Variants in ANK1 observed in about 807,000 individuals in gnomAD.
ANK1 encodes ankyrin 1, also known as ankyrin-1.
ANK1 carries 51 observed loss-of-function variants against 210.4 expected under a neutral mutation model. The observed-to-expected ratio is 0.24, with a 90% confidence interval of 0.19 to 0.31. The LOEUF (loss-of-function observed/expected upper bound fraction) is 0.31, where lower values mean the gene tolerates loss of function less well. ANK1 is among the 10% of genes least tolerant of loss of function. The pLI, the probability that ANK1 is intolerant of heterozygous loss-of-function variation, is 1.00. For missense variants in ANK1, 2,051 were observed against 2,504.4 expected, an observed-to-expected ratio of 0.82 and a Z score of 3.86; for synonymous variants, 967 against 1,025.9, an observed-to-expected ratio of 0.94 and a Z score of 1.10.
chr8:41,690,284 G>A lies in ANK1; in HGVS notation c.4047C>T (p.Tyr1349=), dbSNP rs201860615. The A allele has an allele frequency of 2.9e-5, 47 of 1,614,090 alleles. No homozygotes were observed. Among genetic ancestry groups the A allele is most frequent in the Non-Finnish European group, 3.6e-5 (42 of 1,180,044 alleles). ...SLSFLRKAMK[Y]EDTQHILCHL... is the part of the protein sequence containing the mutation. Reference sequence around the variant, plus strand: ...GGCAGAGAATGTGCTGGGTGTCCTCGTACTTCATCGCCTTGCGCAGAAACG... The same window carrying A: ...GGCAGAGAATGTGCTGGGTGTCCTCATACTTCATCGCCTTGCGCAGAAACG... The change falls in exon 33 of 43, where the codon TAC becomes TAT. Residue 1349 remains tyrosine, a synonymous_variant. Coordinates refer to ENST00000289734, the MANE Select transcript of ANK1 (RefSeq NM_000037.4).
At chr8:41,765,506 C>T (rs1181899914) in intron 1 of ANK1, among the ~76,000 whole-genome samples, 1 of 152,144 alleles carries the variant, frequency 6.6e-6, no homozygotes, top group Non-Finnish European at 1.5e-5. Context: ...CTCCACCTCC[C>T]AAAATGCTGG....
intron 1 of ANK1, among the ~76,000 whole-genome samples, chr8:41,842,205 G>C (rs978086437): frequency 2.6e-5 from 4 of 152,168 alleles, no homozygotes; most frequent in African/African-American, 9.7e-5. Context: ...TAAAGATCTG[G>C]AATGAGGCCA....
chr8:41,755,038 G>C (rs1361379779), intron 2 of ANK1, among the ~76,000 whole-genome samples: 2 of 152,242 alleles, frequency 1.3e-5, no homozygotes, highest in African/African-American at 4.8e-5. Flanking sequence ...ACTTGTGGCA[G>C]TGTCCTCTTT....
At chr8:41,739,195 T>G (rs1007691095) in intron 2 of ANK1, among the ~76,000 whole-genome samples, 1 of 152,258 alleles carries the variant, frequency 6.6e-6, no homozygotes, top group Non-Finnish European at 1.5e-5. Flanking sequence ...GAATTATTTC[T>G]ATTGACTTAT....
At chr8:41,832,069 G>A (rs1806776871) in intron 1 of ANK1, among the ~76,000 whole-genome samples, 1 of 152,200 alleles carries the variant, frequency 6.6e-6, no homozygotes, top group Non-Finnish European at 1.5e-5. Context: ...GCGGGGCGAT[G>A]GATCTGTCTG....
At chr8:41,752,132 C>T (rs1193178464) in intron 2 of ANK1, among the ~76,000 whole-genome samples, 1 of 152,208 alleles carries the variant, frequency 6.6e-6, no homozygotes, top group Non-Finnish European at 1.5e-5. Flanking sequence ...CTCCCAACCA[C>T]CCCACCGAAA....
rs3063734 is a variant in ANK1 at position 41,655,129 on chromosome 8, G to GGT, written c.*659_*660dup. On this transcript the variant is annotated 3_prime_UTR_variant, in exon 43 of 43. Coordinates refer to ENST00000289734, the MANE Select transcript of ANK1 (RefSeq NM_000037.4). ...GTGTGTAGATTCAGTGGAGGCGAGT[G>GGT]GTGTGTGTGTGTGTGTGTGTGTGTC... 0.043 allele frequency: 6,209 copies of GGT among 145,496 alleles called. 173 individuals are homozygous for GGT. The highest frequency in any genetic ancestry group is 0.071 in the African/African-American group (2,775 of 38,900). 9.0% of individuals were successfully genotyped at this position (145,496 alleles called of 1,614,324 possible). A position where few individuals can be genotyped will look rare whatever the true frequency, so the allele number is the denominator to read the frequency against.
rs144140216 is a variant in ANK1, at chr8:41,737,644, C to T, written c.130-3575G>A. 9.2e-5 allele frequency among the ~76,000 whole-genome samples: 14 copies of T among 152,338 alleles called. No homozygotes were observed. The East Asian group carries it at 2.7e-3, about 29-fold the overall frequency. On this transcript the variant is annotated intron_variant, in intron 2 of 42. Transcript: ENST00000289734. Reference sequence around the variant, plus strand: ...TTATGATTTTTAAAAAATGTTTTCTCACTTTATTGTAGATTTGTCTTTAAC... The same window carrying T: ...TTATGATTTTTAAAAAATGTTTTCTTACTTTATTGTAGATTTGTCTTTAAC...
In ANK1 at chr8:41,674,747, C is replaced by T. The variant is rs115872823; in HGVS notation, c.4538-1835G>A. On this transcript the variant is annotated intron_variant, in intron 37 of 42. Transcript: ENST00000289734. ...TACTTGGTTCCAGGTCCCAAATGAG[C>T]GGGGAGGATGAGCCCGTGAAGGTGG... 2.7e-3 allele frequency among the ~76,000 whole-genome samples: 406 copies of T among 152,240 alleles called. 4 individuals are homozygous for T. The highest frequency in any genetic ancestry group is 9.4e-3 in the African/African-American group (392 of 41,542).
rs749826502 is a variant in ANK1, at chr8:41,694,089, G to C, written c.3341C>G (p.Pro1114Arg). Reference protein sequence around the residue: ...VKLALQAQPVPDELVTKLLGN... With the variant: ...VKLALQAQPVRDELVTKLLGN... ...CAGGAGCTTAGTGACAAGCTCATCC[G>C]GGACAGGCTGGGCCTGTGAAATGAC... is the stretch of plus-strand genomic sequence containing the variant. Residue 1114 changes from proline to arginine, a missense_variant, in exon 29 of 43, where the codon CCG becomes CGG. This residue lies in a region of ANK1 where 1,413 missense variants were observed against 1,707.4 expected (regional missense o/e 0.83). Transcript: ENST00000289734. This position sits in a 1 kb window ranked among gnomAD's most constrained non-coding sequence, Gnocchi z 5.7. 1 of 1,613,862 alleles carries C rather than the reference G, an allele frequency of 6.2e-7. No homozygotes were observed. Among genetic ancestry groups the C allele is most frequent in the African/African-American group, 1.3e-5 (1 of 75,056 alleles).
chr8:41,677,649 G>A (rs1814612275), intron 37 of ANK1, among the ~76,000 whole-genome samples: 1 of 151,082 alleles, frequency 6.6e-6, no homozygotes, highest in Non-Finnish European at 1.5e-5. Context: ...GAGTGCAATG[G>A]TGCAATCTTG....
At chr8:41,665,706 G>A (rs1214691372) in intron 39 of ANK1, 1 of 184,164 alleles carries the variant, frequency 5.4e-6, no homozygotes, top group Non-Finnish European at 1.1e-5. Flanking sequence ...TGGGCTCAGG[G>A]ACAGTCAAGT....
chr8:41,663,559 T>C lies in ANK1; in HGVS notation c.5478+100A>G, dbSNP rs1809305653. The C allele has an allele frequency of 2.5e-6, 3 of 1,217,564 alleles. No homozygotes were observed. The East Asian group carries it at 7.0e-5, about 28-fold the overall frequency. 75.4% of individuals were successfully genotyped at this position (1,217,564 alleles called of 1,614,324 possible). The stretch of plus-strand genomic sequence containing the variant: ...GGCAGCCAGCCTGGCTGTGCTCACC[T>C]GCTGTGAGGGCAGCAGGGAGAAGCC... On this transcript the variant is annotated intron_variant, in intron 40 of 42. Coordinates refer to ENST00000289734, the MANE Select transcript of ANK1 (RefSeq NM_000037.4).
chr8:41,881,654 C>T (rs1817604573), intron 1 of ANK1, among the ~76,000 whole-genome samples: 1 of 152,198 alleles, frequency 6.6e-6, no homozygotes, highest in Non-Finnish European at 1.5e-5. Context: ...GTACTTATTT[C>T]ATTTTATTTA....
chr8:41,672,007 G>C (rs766074299), intron 38 of ANK1, among the ~76,000 whole-genome samples: 3 of 149,116 alleles, frequency 2.0e-5, no homozygotes, highest in African/African-American at 5.0e-5. Context: ...ATGTCCCTAA[G>C]TGAGCCCTCC....
chr8:41,703,440 A>ATTTTTT (rs1563491713), intron 20 of ANK1, among the ~76,000 whole-genome samples: 3 of 68,766 alleles, frequency 4.4e-5, no homozygotes, highest in African/African-American at 1.7e-4. Context: ...ATATATATAT[A>ATTTTTT]TATATATATA....
intron 1 of ANK1, among the ~76,000 whole-genome samples, chr8:41,882,732 C>A (rs549585010): frequency 1.3e-5 from 2 of 152,360 alleles, no homozygotes; most frequent in South Asian, 4.1e-4. Flanking sequence ...CGCCAGTGCT[C>A]TGGGCTGTGG....
chr8:41,695,160 G>A lies in ANK1; in HGVS notation c.3115+17C>T, dbSNP rs1820495025. 2 of 1,613,800 alleles carry A rather than the reference G, an allele frequency of 1.2e-6. No homozygotes were observed. Among genetic ancestry groups the A allele is most frequent in the Non-Finnish European group, 1.7e-6 (2 of 1,179,984 alleles). ...TCCGCAAGGAGGGGACCCAGCCCTG[G>A]GATCCCCCGCCCCTACCTTCGTCCA... On this transcript the variant is annotated intron_variant, in intron 27 of 42. Coordinates refer to ENST00000289734, the MANE Select transcript of ANK1 (RefSeq NM_000037.4).
Position 41,701,708 on chromosome 8 carries a change from T to G in ANK1, c.2389-86A>C, listed in dbSNP as rs1249917704. The G allele has an allele frequency of 2.2e-6, 3 of 1,361,296 alleles. No homozygotes were observed. The Admixed American group carries it at 5.2e-5, about 24-fold the overall frequency. 84.3% of individuals were successfully genotyped at this position (1,361,296 alleles called of 1,614,324 possible). ...CCCAGCGGTTCCCTGGTCATGCCTG[T>G]GGGGTTTCCCACAAATGAAGAAAAA... On this transcript the variant is annotated intron_variant, in intron 21 of 42. Coordinates refer to ENST00000289734, the MANE Select transcript of ANK1 (RefSeq NM_000037.4).
Sources: gnomAD v4.1 joint callset for allele counts (sites outside exome capture counted in the v4.1 genomes callset) on GRCh38, gnomAD v4.1.1 for gene constraint, gnomAD v4.1.1 regional missense constraint, Gnocchi (gnomAD v3.1) non-coding constraint, MANE v1.5 for transcripts, NCBI Gene and HGNC (gene_info 2026-07-23, HGNC 2026-07-21) for gene names.